The following DOCK1 variants were observed in gnomAD, a reference collection of about 807,000 sequenced individuals.
DOCK1 encodes the protein dedicator of cytokinesis 1, also known as dedicator of cytokinesis protein 1.
In DOCK1, 138 loss-of-function variants were observed where a neutral mutation model predicts 262.7. That is an observed-to-expected ratio of 0.53 (90% confidence interval 0.46 to 0.61). The LOEUF (loss-of-function observed/expected upper bound fraction) is 0.61, where lower values mean the gene tolerates loss of function less well. Among genes scored for constraint, DOCK1 ranks in the 20% least tolerant of loss-of-function variants. The pLI is 0.00. For missense variants in DOCK1, 1,908 were observed against 2,370.7 expected (o/e 0.80, Z 4.05); for synonymous variants, 866 against 867.4 (o/e 1.00, Z 0.03).
At chr10:127,380,428 A>G (rs1422367788) in intron 36 of DOCK1, among the ~76,000 whole-genome samples, 2 of 152,212 alleles carry the variant, frequency 1.3e-5, no homozygotes, top group African/African-American at 2.4e-5. Context: ...AGATAAGCAC[A>G]TAAATTTTAA....
In DOCK1 at chr10:127,259,006, G is replaced by T. The variant is rs1483638264; in HGVS notation, c.3044+1577G>T. On this transcript the variant is annotated intron_variant, in intron 29 of 51. Coordinates refer to ENST00000623213, the MANE Select transcript of DOCK1 (RefSeq NM_001290223.2). ...CAGATTGGCCTTGTGTACCGTGGCT[G>T]CGGGAGTCCTACAAACCTCCCCGAG... Among the ~76,000 whole-genome samples the T allele has an allele frequency of 3.3e-5, 5 of 152,240 alleles. No individual in the cohort carries two copies. In the East Asian group the frequency reaches 9.7e-4, roughly 29 times the overall value.
At chr10:127,015,869 C>G (rs2041839376) in intron 12 of DOCK1, 1 of 152,730 alleles carries the variant, frequency 6.5e-6, no homozygotes, top group African/African-American at 2.4e-5. Flanking sequence ...TGGGTGCCCC[C>G]CATCCTTCAG....
At chr10:127,250,791 C>CAAAAAAAAAAA (rs1180814401) in intron 28 of DOCK1, among the ~76,000 whole-genome samples, 2 of 64,038 alleles carry the variant, frequency 3.1e-5, no homozygotes, top group Non-Finnish European at 2.6e-5. Flanking sequence ...GACTCCGTCT[C>CAAAAAAAAAAA]AAAAAAAAAA....
chr10:126,984,211 C>T (rs2039188754), intron 4 of DOCK1, among the ~76,000 whole-genome samples: 2 of 152,142 alleles, frequency 1.3e-5, no homozygotes, highest in Admixed American at 1.3e-4. Flanking sequence ...GACCACCAGC[C>T]CTGATTTGTC....
At chr10:127,124,917 G>A (rs1023409884) in intron 25 of DOCK1, among the ~76,000 whole-genome samples, 1 of 152,040 alleles carries the variant, frequency 6.6e-6, no homozygotes, top group Non-Finnish European at 1.5e-5. Context: ...AAAAACCCGT[G>A]TGTGGCTAAC....
At chr10:127,123,958 A>T (rs1389123002) in intron 25 of DOCK1, among the ~76,000 whole-genome samples, 1 of 152,240 alleles carries the variant, frequency 6.6e-6, no homozygotes, top group Non-Finnish European at 1.5e-5. Flanking sequence ...TATTAATTGG[A>T]CAAAACTTCT....
chr10:127,232,950 A>G (rs2058906562), intron 27 of DOCK1, among the ~76,000 whole-genome samples: 1 of 152,210 alleles, frequency 6.6e-6, no homozygotes, highest in Non-Finnish European at 1.5e-5. Flanking sequence ...AAAAATCTTG[A>G]CTAAACATCT....
At chr10:127,053,507 C>G (rs780140259) in intron 22 of DOCK1, among the ~76,000 whole-genome samples, 3 of 152,206 alleles carry the variant, frequency 2.0e-5, no homozygotes, top group African/African-American at 4.8e-5. Context: ...GAAGGATACT[C>G]AGGTGCTTTA....
At position 127,446,111 on chromosome 10, in the gene DOCK1, G is replaced by A. The variant is rs2070528841; in HGVS notation, c.5414-1283G>A. On this transcript the variant is annotated intron_variant, in intron 50 of 51. Coordinates refer to ENST00000623213, the MANE Select transcript of DOCK1 (RefSeq NM_001290223.2). This position sits in a 1 kb window ranked among gnomAD's most constrained non-coding sequence, Gnocchi z 4.4. ...CTAAAAATACAATAATTAGCTGGGT[G>A]TGGTGGTGCGTGCCTATAATCTCAG... Among the ~76,000 whole-genome samples, 1 of 152,142 alleles carries A rather than the reference G, an allele frequency of 6.6e-6. No individual in the cohort carries two copies. Among genetic ancestry groups the A allele is most frequent in the Admixed American group, 6.6e-5 (1 of 15,264 alleles).
At chr10:127,389,159 G>A (rs2066318210) in intron 38 of DOCK1, among the ~76,000 whole-genome samples, 1 of 152,218 alleles carries the variant, frequency 6.6e-6, no homozygotes, top group African/African-American at 2.4e-5. Context: ...CCGTGACTGC[G>A]ATGTGGGGAA....
intron 18 of DOCK1, among the ~76,000 whole-genome samples, chr10:127,034,003 T>C (rs2043414766): frequency 6.6e-6 from 1 of 152,098 alleles, no homozygotes; most frequent in African/African-American, 2.4e-5. Flanking sequence ...TCCTAGCTTG[T>C]GGTTGTGTAG....
chr10:126,949,554 G>A (rs2035996878), intron 1 of DOCK1, among the ~76,000 whole-genome samples: 1 of 152,126 alleles, frequency 6.6e-6, no homozygotes, highest in Non-Finnish European at 1.5e-5. Flanking sequence ...TTTCAGAGCA[G>A]CAAGGGCAGA....
At chr10:127,269,968 G>T (rs1008975710) in intron 29 of DOCK1, among the ~76,000 whole-genome samples, 2 of 152,202 alleles carry the variant, frequency 1.3e-5, no homozygotes, top group Non-Finnish European at 2.9e-5. Context: ...ACAGTAAGTG[G>T]CACTGTCTAC....
At chr10:126,951,092 A>G (rs1344771896) in intron 1 of DOCK1, among the ~76,000 whole-genome samples, 1 of 149,510 alleles carries the variant, frequency 6.7e-6, no homozygotes, top group African/African-American at 2.5e-5. Context: ...TTTAGTATTG[A>G]TGATAGTGGT....
In DOCK1 at chr10:127,100,297, T is replaced by G; in HGVS notation, c.2446-5934T>G. Among the ~76,000 whole-genome samples, 1 of 151,446 alleles carries G rather than the reference T, an allele frequency of 6.6e-6. No homozygotes were observed. The highest frequency in any genetic ancestry group is 1.9e-4 in the East Asian group (1 of 5,130). On this transcript the variant is annotated intron_variant, in intron 23 of 51. Transcript: ENST00000623213. This position sits in a 1 kb window ranked among gnomAD's most constrained non-coding sequence, Gnocchi z 5.5. ...CAGGTGCTGTTTGTTCCGGGGGGAG[T>G]TAACAGCCTGAACCGAGGGCTCTGT...
At chr10:127,364,367 A>T (rs1231820717) in intron 33 of DOCK1, among the ~76,000 whole-genome samples, 1 of 150,390 alleles carries the variant, frequency 6.6e-6, no homozygotes, top group Non-Finnish European at 1.5e-5. Flanking sequence ...CAGTTTTTTA[A>T]TTTTTTTTTT....
chr10:127,302,932 G>T (rs976391703), intron 29 of DOCK1, among the ~76,000 whole-genome samples: 2 of 152,062 alleles, frequency 1.3e-5, no homozygotes, highest in African/African-American at 2.4e-5. Context: ...TTGAATTTTT[G>T]GCTCTTTGAA....
intron 31 of DOCK1, among the ~76,000 whole-genome samples, chr10:127,345,732 GCTTCCAGCAT>G (rs1358889123): frequency 6.6e-6 from 1 of 152,190 alleles, no homozygotes; most frequent in Non-Finnish European, 1.5e-5. Flanking sequence ...GCTCGTCCTG[GCTTCCAGCAT>G]CAAGAGACAG....
intron 48 of DOCK1, among the ~76,000 whole-genome samples, chr10:127,433,913 C>T (rs1307398420): frequency 6.6e-6 from 1 of 151,522 alleles, no homozygotes; most frequent in Non-Finnish European, 1.5e-5. Context: ...AATTCTTCTT[C>T]TTCTAATGTG....
Sources: allele counts gnomAD v4.1 joint callset (sites outside exome capture counted in the v4.1 genomes callset), GRCh38; gene constraint gnomAD v4.1.1; non-coding constraint Gnocchi (gnomAD v3.1); transcripts MANE v1.5; gene names NCBI Gene and HGNC (gene_info 2026-07-23, HGNC 2026-07-21).